RDX: variants seen among roughly 807,000 people sequenced by gnomAD.
RDX encodes the protein deafness, autosomal recessive 24.
In RDX, 32 loss-of-function variants were observed where a neutral mutation model predicts 83.7. The observed-to-expected ratio is 0.38, with a 90% CI of 0.29 to 0.51. The LOEUF is 0.51. RDX is among the 20% of genes least tolerant of loss of function. The pLI, the probability that RDX is intolerant of heterozygous loss-of-function variation, is 0.87. For synonymous variants in RDX, 229 were observed against 222.7 expected, an observed-to-expected ratio of 1.03 and a Z score of -0.25; for missense variants, 600 against 689.9, an observed-to-expected ratio of 0.87 and a Z score of 1.46.
chr11:110,259,591 T>C (rs978363546), intron 5 of RDX, among the ~76,000 whole-genome samples: 8 of 152,202 alleles, frequency 5.3e-5, no homozygotes, highest in African/African-American at 1.7e-4. Flanking sequence ...CTCCTTTCTC[T>C]AGGCATCTTT....
chr11:110,245,219 T>C (rs1859049579), intron 10 of RDX, among the ~76,000 whole-genome samples: 1 of 152,186 alleles, frequency 6.6e-6, no homozygotes. Context: ...CCCAAAGTAC[T>C]GGGATTACAG....
rs144209585 is a variant in RDX, at chr11:110,183,468, C to T, written c.*32-8234G>A. Among the ~76,000 whole-genome samples the T allele has an allele frequency of 7.2e-3, 1,094 of 152,300 alleles. 20 individuals carry two copies. The highest frequency in any genetic ancestry group is 0.023 in the African/African-American group (975 of 41,558). Reference sequence around the variant, plus strand: ...TCAGTCTCCTAAATAGCTGGGACTACAGGTACACGCTAACAGCCCAGCCAA... The same window carrying T: ...TCAGTCTCCTAAATAGCTGGGACTATAGGTACACGCTAACAGCCCAGCCAA... On this transcript the variant is annotated intron_variant, in intron 15 of 15. Coordinates refer to the RDX transcript ENST00000528498.
At chr11:110,252,362 T>C (rs1859369986) in intron 9 of RDX, among the ~76,000 whole-genome samples, 1 of 152,198 alleles carries the variant, frequency 6.6e-6, no homozygotes, top group Non-Finnish European at 1.5e-5. Context: ...CAATACAGTA[T>C]TTCTCTATAA....
intron 14 of RDX, among the ~76,000 whole-genome samples, chr11:110,222,103 T>A (rs994959819): frequency 2.6e-5 from 4 of 152,194 alleles, no homozygotes; most frequent in Admixed American, 2.6e-4. Context: ...AATAGTACTA[T>A]TAAACCAAAA....
chr11:110,199,626 T>C (rs1237301378), exon 15 of RDX: 8 of 703,078 alleles, frequency 1.1e-5, no homozygotes, highest in Admixed American at 2.0e-5. Flanking sequence ...ATTTGCTTTA[T>C]GCTGCTTTGG....
chr11:110,234,492 G>A (rs944981540), intron 12 of RDX, among the ~76,000 whole-genome samples: 5 of 152,144 alleles, frequency 3.3e-5, no homozygotes, highest in African/African-American at 9.7e-5. Flanking sequence ...ATTTCATGTT[G>A]AATATATAAA....
intron 14 of RDX, among the ~76,000 whole-genome samples, chr11:110,216,539 TTC>T (rs1190841875): frequency 2.1e-4 from 27 of 127,158 alleles, no homozygotes; most frequent in Middle Eastern, 3.8e-3. Context: ...CCAATTTTTT[TTC>T]TTTTTTTTTT....
intron 9 of RDX, 113 bp from the exon 10 acceptor site, chr11:110,247,946 G>C: frequency 8.4e-7 from 1 of 1,197,514 alleles, no homozygotes; most frequent in Non-Finnish European, 1.2e-6. Context: ...GCAGCAACTT[G>C]GATGAAGCTG....
At chr11:110,188,975 G>A (rs994664329) in intron 15 of RDX, among the ~76,000 whole-genome samples, 2 of 151,844 alleles carry the variant, frequency 1.3e-5, no homozygotes, top group African/African-American at 2.4e-5. Flanking sequence ...ATAACTTCAC[G>A]ATAGGATCCA....
At chr11:110,288,445 A>C (rs1243850170) in intron 1 of RDX, 2 of 152,252 alleles carry the variant, frequency 1.3e-5, no homozygotes, top group African/African-American at 4.8e-5. Context: ...AGAAAACATT[A>C]AACATTCACA....
chr11:110,247,670 T>C (rs1387142768), intron 10 of RDX, 33 bp downstream of exon 10: 1 of 1,604,662 alleles, frequency 6.2e-7, no homozygotes, highest in Non-Finnish European at 8.5e-7. Context: ...GCAATAATAA[T>C]TTTTAATCCA....
chr11:110,260,866 C>G (rs1380257413), intron 5 of RDX, among the ~76,000 whole-genome samples: 1 of 152,170 alleles, frequency 6.6e-6, no homozygotes, highest in Admixed American at 6.5e-5. Flanking sequence ...TAATACACTA[C>G]AAATGCTATG....
At position 110,208,112 on chromosome 11, in the gene RDX, G is replaced by A. The variant is rs144784642; in HGVS notation, c.1749-8434C>T. ...TGGGGTTACAGGCATGAGCCACCAT[G>A]CCCGGCCCAGATCTATTTTTATCTA... On this transcript the variant is annotated intron_variant, in intron 14 of 15. Coordinates refer to the RDX transcript ENST00000528498. Among the ~76,000 whole-genome samples, 925 of 151,998 alleles carry A rather than the reference G, an allele frequency of 6.1e-3. 4 individuals are homozygous for A. The highest frequency in any genetic ancestry group is 0.02 in the African/African-American group (827 of 41,438).
chr11:110,237,877 T>A (rs1349071373), intron 10 of RDX: 1 of 580,100 alleles, frequency 1.7e-6, no homozygotes, highest in Non-Finnish European at 3.2e-6. Flanking sequence ...GCTCGAGCAA[T>A]CCTCCCGCCT....
chr11:110,244,804 G>A (rs185353289), intron 10 of RDX, among the ~76,000 whole-genome samples: 1 of 152,198 alleles, frequency 6.6e-6, no homozygotes, highest in East Asian at 1.9e-4. Flanking sequence ...CAGAATGACA[G>A]AAATCACATT....
chr11:110,269,516 G>C (rs1291161561), intron 3 of RDX, among the ~76,000 whole-genome samples: 1 of 152,184 alleles, frequency 6.6e-6, no homozygotes, highest in Non-Finnish European at 1.5e-5. Context: ...ATGTACTCAT[G>C]TAGCTATGTG....
intron 15 of RDX, among the ~76,000 whole-genome samples, chr11:110,188,389 T>C (rs2134224041): frequency 6.6e-6 from 1 of 152,086 alleles, no homozygotes; most frequent in East Asian, 1.9e-4. Flanking sequence ...ACCATTATTT[T>C]AAGTGAAATA....
At chr11:110,257,419 T>G (rs1591158268) in intron 7 of RDX, among the ~76,000 whole-genome samples, 1 of 152,186 alleles carries the variant, frequency 6.6e-6, no homozygotes, top group East Asian at 1.9e-4. Flanking sequence ...AATTTCAATC[T>G]ATTTGTCAAG....
rs770307768 is a variant in RDX, at chr11:110,264,034, T to G, written c.393A>C (p.Gln131His). 7 of 1,613,650 alleles carry G rather than the reference T, an allele frequency of 4.3e-6. No homozygotes were observed. In the South Asian group the frequency reaches 6.6e-5, roughly 15 times the overall value. The change falls in exon 5 of 14, where the codon CAA becomes CAC. Residue 131 changes from glutamine to histidine, a missense_variant. Physicochemically the swap from Gln to His is conservative, Grantham distance 24. Coordinates refer to ENST00000645495, the MANE Select transcript of RDX (RefSeq NM_002906.4). ...TAVLLASYAVQAKYGDYNKEI... is the reference protein window; with the variant it reads ...TAVLLASYAVHAKYGDYNKEI... ...CTTTATTGTAATCTCCATACTTGGCTTGGACAGCATAGGAAGCCAAAAGAA... is the reference window on the plus strand; with the variant it reads ...CTTTATTGTAATCTCCATACTTGGCGTGGACAGCATAGGAAGCCAAAAGAA...
Sources: gnomAD v4.1 joint callset for allele counts (sites outside exome capture counted in the v4.1 genomes callset) on GRCh38, gnomAD v4.1.1 for gene constraint, MANE v1.5 for transcripts, NCBI Gene and HGNC (gene_info 2026-07-23, HGNC 2026-07-21) for gene names.